ARHGAP24: variants seen among roughly 807,000 people sequenced by gnomAD.
ARHGAP24 encodes Rho GTPase activating protein 24.
ARHGAP24 carries 50 observed loss-of-function variants against 76.4 expected under a neutral mutation model. The ratio of observed to expected loss-of-function variants is 0.65; its 90% confidence interval spans 0.52 to 0.83. The LOEUF is 0.83. ARHGAP24 is among the 40% of genes least tolerant of loss of function. The pLI is 0.00. For synonymous variants in ARHGAP24, 345 were observed against 323.3 expected (o/e 1.07, Z -0.72); for missense variants, 930 against 914.2 (o/e 1.02, Z -0.22).
chr4:85,540,596 T>C (rs567867796), intron 1 of ARHGAP24, among the ~76,000 whole-genome samples: 1 of 152,334 alleles, frequency 6.6e-6, no homozygotes, highest in East Asian at 1.9e-4. Context: ...TCTGATGAGT[T>C]TTGACAAATA....
chr4:85,920,520 A>G (rs1735663005), intron 3 of ARHGAP24, among the ~76,000 whole-genome samples: 2 of 152,248 alleles, frequency 1.3e-5, no homozygotes, highest in South Asian at 2.1e-4. Flanking sequence ...AAAAGCAAAT[A>G]TTGACAAATG....
At chr4:85,847,942 T>C (rs1186629765) in intron 3 of ARHGAP24, among the ~76,000 whole-genome samples, 1 of 152,128 alleles carries the variant, frequency 6.6e-6, no homozygotes, top group Non-Finnish European at 1.5e-5. Context: ...CATTTTTCAG[T>C]TGAAGAAAAT....
At chr4:85,484,036 T>G (rs560396570) in intron 1 of ARHGAP24, among the ~76,000 whole-genome samples, 1 of 152,366 alleles carries the variant, frequency 6.6e-6, no homozygotes, top group African/African-American at 2.4e-5. Context: ...TTGTATTGAT[T>G]GAAGATTTTA....
At chr4:85,777,564 G>A (rs1425011251) in intron 3 of ARHGAP24, among the ~76,000 whole-genome samples, 2 of 152,142 alleles carry the variant, frequency 1.3e-5, no homozygotes, top group African/African-American at 2.4e-5. Flanking sequence ...CAACCCAATC[G>A]ATAGGATATA....
intron 3 of ARHGAP24, among the ~76,000 whole-genome samples, chr4:85,732,545 C>G (rs771507808): frequency 9.9e-5 from 15 of 152,060 alleles, no homozygotes; most frequent in Admixed American, 5.9e-4. Context: ...CCATCTGCAG[C>G]CCAATAATGC....
intron 3 of ARHGAP24, among the ~76,000 whole-genome samples, chr4:85,869,243 A>T (rs1008612123): frequency 6.6e-6 from 1 of 152,168 alleles, no homozygotes; most frequent in African/African-American, 2.4e-5. Flanking sequence ...CGGTATTCTA[A>T]GATTTTCCTA....
At chr4:85,815,663 T>C (rs879359608) in intron 3 of ARHGAP24, among the ~76,000 whole-genome samples, 1 of 152,214 alleles carries the variant, frequency 6.6e-6, no homozygotes, top group Admixed American at 6.5e-5. Flanking sequence ...TGTAGGAAGT[T>C]CAAAACTTTC....
intron 2 of ARHGAP24, among the ~76,000 whole-genome samples, chr4:85,642,254 C>T (rs989160326): frequency 6.6e-6 from 1 of 151,934 alleles, no homozygotes; most frequent in African/African-American, 2.4e-5. Context: ...TTTTTAAGGC[C>T]TAAAATGCCT....
At chr4:85,898,686 C>T (rs576111581) in intron 3 of ARHGAP24, among the ~76,000 whole-genome samples, 15 of 152,276 alleles carry the variant, frequency 9.9e-5, no homozygotes, top group Non-Finnish European at 1.9e-4. Context: ...AAAATAAAAA[C>T]ATCCCCAAAT....
chr4:85,510,767 C>T (rs944514095), intron 1 of ARHGAP24, among the ~76,000 whole-genome samples: 2 of 151,310 alleles, frequency 1.3e-5, no homozygotes, highest in Non-Finnish European at 2.9e-5. Flanking sequence ...ATACATTCCT[C>T]CTCCTCCTCC....
At chr4:85,755,054 G>A (rs143939912) in intron 3 of ARHGAP24, among the ~76,000 whole-genome samples, 1 of 152,288 alleles carries the variant, frequency 6.6e-6, no homozygotes, top group African/African-American at 2.4e-5. Context: ...GACAAAGAAT[G>A]TATCTTTGTG....
chr4:85,722,312 G>A (rs1724978096), intron 3 of ARHGAP24: 2 of 240,710 alleles, frequency 8.3e-6, no homozygotes, highest in Non-Finnish European at 1.6e-5. Context: ...GTTATAGGTT[G>A]AATGCTTTGC....
intron 3 of ARHGAP24, among the ~76,000 whole-genome samples, chr4:85,779,979 C>T (rs893147469): frequency 1.3e-5 from 2 of 152,126 alleles, no homozygotes; most frequent in African/African-American, 4.8e-5. Context: ...GGATCATTCT[C>T]TTCATGAGAT....
chr4:85,655,806 G>T (rs1316976018), intron 2 of ARHGAP24, among the ~76,000 whole-genome samples: 58 of 79,568 alleles, frequency 7.3e-4, no homozygotes, highest in African/African-American at 3.1e-3. Context: ...GAGAGAGAGA[G>T]AGAGAGAGAG....
intron 3 of ARHGAP24, among the ~76,000 whole-genome samples, chr4:85,795,119 C>T (rs1407261427): frequency 2.0e-5 from 3 of 152,228 alleles, no homozygotes; most frequent in African/African-American, 4.8e-5. Context: ...CACCATGCTT[C>T]TTCCATTCCA....
At chr4:85,683,125 G>GGGGGGGGGGGGGGGGGGT (rs1553922590) in intron 2 of ARHGAP24, among the ~76,000 whole-genome samples, 1 of 107,656 alleles carries the variant, frequency 9.3e-6, no homozygotes, top group Admixed American at 1.0e-4. Flanking sequence ...GGTGGGGGGG[G>GGGGGGGGGGGGGGGGGGT]GGTGCGGGGG....
chr4:85,642,434 T>C (rs886584876), intron 2 of ARHGAP24, among the ~76,000 whole-genome samples: 22 of 152,272 alleles, frequency 1.4e-4, no homozygotes, highest in African/African-American at 5.3e-4. Context: ...GACTAATATA[T>C]GTCTCAAACT....
intron 8 of ARHGAP24, among the ~76,000 whole-genome samples, chr4:85,989,342 TAGAA>T (rs879673522): frequency 3.3e-5 from 5 of 151,514 alleles, no homozygotes; most frequent in Non-Finnish European, 4.4e-5. Flanking sequence ...CCCTCAAGAT[TAGAA>T]AGAAAGAAAG....
At chr4:85,579,298 C>T (rs769301609) in intron 2 of ARHGAP24, among the ~76,000 whole-genome samples, 11 of 152,108 alleles carry the variant, frequency 7.2e-5, no homozygotes, top group Non-Finnish European at 1.5e-4. Flanking sequence ...CAGACTATCT[C>T]ATGTGCACAA....
Sources: allele counts gnomAD v4.1 joint callset (sites outside exome capture counted in the v4.1 genomes callset), GRCh38; gene constraint gnomAD v4.1.1; transcripts MANE v1.5; gene names NCBI Gene and HGNC (gene_info 2026-07-23, HGNC 2026-07-21).